ANGPTL3: variants seen among roughly 807,000 people sequenced by gnomAD.
The protein encoded by ANGPTL3 is angiopoietin like 3.
A neutral mutation model predicts 52.7 loss-of-function variants in ANGPTL3; 51 were observed. The ratio of observed to expected loss-of-function variants is 0.97; its 90% CI spans 0.77 to 1.22. The LOEUF is 1.22. Ranked by LOEUF, ANGPTL3 falls within the 50% of genes most tolerant of loss-of-function variation. The pLI, the probability that ANGPTL3 is intolerant of heterozygous loss-of-function variation, is 0.00. For synonymous variants in ANGPTL3, 185 were observed against 179.8 expected (o/e 1.03, Z -0.23); for missense variants, 506 against 520.7 (o/e 0.97, Z 0.27).
At position 62,604,787 on chromosome 1, in the gene ANGPTL3, C is replaced by T. The variant is rs1219479982; in HGVS notation, c.1353C>T (p.Ile451=). 2 of 1,612,980 alleles carry T rather than the reference C, an allele frequency of 1.2e-6. No homozygotes were observed. Among genetic ancestry groups the T allele is most frequent in the East Asian group, 2.2e-5 (1 of 44,786 alleles). Residue 451 remains isoleucine (I), a synonymous_variant, in exon 7 of 7, where the codon ATC becomes ATT. Coordinates refer to ENST00000371129, the MANE Select transcript of ANGPTL3 (RefSeq NM_014495.4). ...CTATAAAATCAACCAAAATGTTGAT[C>T]CATCCAACAGATTCAGAAAGCTTTG... ...LYSIKSTKML[I]HPTDSESFE
chr1:62,604,679 T>C lies in ANGPTL3; in HGVS notation c.1245T>C (p.Gly415=), dbSNP rs771120709. The C allele has an allele frequency of 6.2e-7, 1 of 1,613,124 alleles. No individual in the cohort carries two copies. Among genetic ancestry groups the C allele is most frequent in the Non-Finnish European group, 8.5e-7 (1 of 1,179,382 alleles). ...AGTGTGGAGAAAACAACCTAAATGG[T>C]AAATATAACAAACCAAGAGCAAAAT... The part of the protein sequence containing the change: ...HDECGENNLN[G]KYNKPRAKSK... Residue 415 remains glycine (G), a synonymous_variant, in exon 7 of 7, where the codon GGT becomes GGC. Transcript: ENST00000371129.
At chr1:62,598,675 C>CAACCT (rs759338676) in intron 1 of ANGPTL3, 21 bp from the exon 2 acceptor site, 1 of 1,407,378 alleles carries the variant, frequency 7.1e-7, no homozygotes, top group South Asian at 1.2e-5. Flanking sequence ...AACTTATAAC[C>CAACCT]AACCTACTCT....
chr1:62,604,314 A>C, intron 6 of ANGPTL3, 79 bp downstream of exon 6: 1 of 1,546,836 alleles, frequency 6.5e-7, no homozygotes, highest in Non-Finnish European at 8.8e-7. Context: ...ATCTGCAATG[A>C]CAACTTTTAA....
At position 62,598,067 on chromosome 1, in the gene ANGPTL3, T is replaced by G. The variant is rs372257803; in HGVS notation, c.495+6T>G. The G allele has an allele frequency of 6.3e-7, 1 of 1,577,040 alleles. No homozygotes were observed. Among genetic ancestry groups the G allele is most frequent in the Non-Finnish European group, 8.6e-7 (1 of 1,168,004 alleles). On this transcript the variant is annotated splice_donor_region_variant and intron_variant, in intron 1 of 6. Transcript: ENST00000371129. Reference sequence around the variant, plus strand: ...CAGAAGTAACTTCACTTAAAGTAAGTAGAAAATAAAGAGGGTTCATGTTTA... The same window carrying G: ...CAGAAGTAACTTCACTTAAAGTAAGGAGAAAATAAAGAGGGTTCATGTTTA...
In ANGPTL3 at chr1:62,604,149, A is replaced by C. The variant is rs151187179; in HGVS notation, c.1112A>C (p.Asn371Thr). The change falls in exon 6 of 7, where the codon AAT (asparagine) becomes ACT (threonine). Residue 371 changes from asparagine to threonine, a missense_variant. Transcript: ENST00000371129. ...HLVAITGNVP[N>T]AIPENKDLVF... is the part of the protein sequence containing the mutation. ...GTTGCGATTACTGGCAATGTCCCCA[A>C]TGCAATCCCGGAAAACAAAGATTTG... The C allele has an allele frequency of 2.2e-5, 36 of 1,613,342 alleles. No homozygotes were observed. Among genetic ancestry groups the C allele is most frequent in the Non-Finnish European group, 3.0e-5 (35 of 1,179,506 alleles).
At chr1:62,598,900 G>C (rs958278808) in intron 2 of ANGPTL3, 94 bp downstream of exon 2, 12 of 789,726 alleles carry the variant, frequency 1.5e-5, no homozygotes, top group African/African-American at 6.9e-5. Context: ...ACTGGATCAT[G>C]AGTAAAATTA....
At position 62,604,145 on chromosome 1, in the gene ANGPTL3, C is replaced by T; in HGVS notation, c.1108C>T (p.Pro370Ser). 6.2e-7 allele frequency: 1 copy of T among 1,613,218 alleles called. No individual in the cohort carries two copies. ...TCTAGTTGCGATTACTGGCAATGTC[C>T]CCAATGCAATCCCGGAAAACAAAGA... ...LHLVAITGNV[P>S]NAIPENKDLV... Residue 370 changes from proline to serine, a missense_variant, in exon 6 of 7, where the codon CCC becomes TCC. Physicochemically the swap from Pro to Ser is moderately conservative, Grantham distance 74 (BLOSUM62 -1). Coordinates refer to ENST00000371129, the MANE Select transcript of ANGPTL3 (RefSeq NM_014495.4).
intron 2 of ANGPTL3, among the ~76,000 whole-genome samples, chr1:62,599,264 C>T (rs1414716588): frequency 4.6e-5 from 7 of 151,968 alleles, no homozygotes; most frequent in East Asian, 1.9e-4. Context: ...TTATTCTGAC[C>T]GCTTTACCAG....
Position 62,605,751 on chromosome 1 carries a change from T to C in ANGPTL3, c.*934T>C, listed in dbSNP as rs1024978210. ...ACAGCCTGACAAGCATGTATATATG[T>C]TTAAAATTCAATAAACAAAGACCCA... On this transcript the variant is annotated 3_prime_UTR_variant, in exon 7 of 7. Coordinates refer to ENST00000371129, the MANE Select transcript of ANGPTL3 (RefSeq NM_014495.4). The C allele has an allele frequency of 6.6e-6, 1 of 152,362 alleles. No individual in the cohort carries two copies. Among genetic ancestry groups the C allele is most frequent in the African/African-American group, 2.4e-5 (1 of 41,444 alleles). The allele number at this position is 152,362 out of a possible 1,614,324, so 9.4% of individuals were successfully genotyped here.
At chr1:62,601,747 A>G in intron 3 of ANGPTL3, 22 bp from the exon 4 acceptor site, 1 of 1,462,492 alleles carries the variant, frequency 6.8e-7, no homozygotes, top group Non-Finnish European at 9.6e-7. Context: ...AATCTGATGT[A>G]ATAACATTTT....
At chr1:62,598,178 T>C (rs903249951) in intron 1 of ANGPTL3, 117 bp downstream of exon 1, 16 of 1,030,390 alleles carry the variant, frequency 1.6e-5, no homozygotes, top group East Asian at 8.7e-5. Context: ...TACTTTTTTT[T>C]CCAAGAAAAA....
chr1:62,604,568 GA>G (rs1650667670), intron 6 of ANGPTL3, 64 bp from the exon 7 acceptor site: 2 of 1,494,572 alleles, frequency 1.3e-6, no homozygotes, highest in African/African-American at 2.8e-5. Flanking sequence ...AACTTACGGG[GA>G]AATACAGTAA....
rs769948598 is a variant in ANGPTL3, at chr1:62,601,757, T to C, written c.722-12T>C. On this transcript the variant is annotated splice_polypyrimidine_tract_variant and intron_variant, in intron 3 of 6. Coordinates refer to ENST00000371129, the MANE Select transcript of ANGPTL3 (RefSeq NM_014495.4). ...TACTAAATCTGATGTAATAACATTTTATTGATTCTAGGCATTCCTGCTGAA... is the reference window on the plus strand; with the variant it reads ...TACTAAATCTGATGTAATAACATTTCATTGATTCTAGGCATTCCTGCTGAA... The C allele has an allele frequency of 1.3e-6, 2 of 1,541,492 alleles. No homozygotes were observed. The highest frequency in any genetic ancestry group is 1.8e-6 in the Non-Finnish European group (2 of 1,116,494).
At position 62,604,614 on chromosome 1, in the gene ANGPTL3, G is replaced by T; in HGVS notation, c.1199-19G>T. ...CATACGAGTCTGTACCCATTAAATT[G>T]CATATCTATCTCCTTTAGGAGGCTG... On this transcript the variant is annotated intron_variant, in intron 6 of 6. Coordinates refer to ENST00000371129, the MANE Select transcript of ANGPTL3 (RefSeq NM_014495.4). 2 of 1,610,908 alleles carry T rather than the reference G, an allele frequency of 1.2e-6. No homozygotes were observed. The highest frequency in any genetic ancestry group is 1.7e-6 in the Non-Finnish European group (2 of 1,177,388).
At chr1:62,604,583 T>C (rs1479324144) in intron 6 of ANGPTL3, 50 bp from the exon 7 acceptor site, 3 of 1,551,112 alleles carry the variant, frequency 1.9e-6, no homozygotes, top group Non-Finnish European at 2.7e-6. Context: ...ACAGTAACAG[T>C]AACTACATAC....
Position 62,598,005 on chromosome 1 carries a change from A to G in ANGPTL3, c.439A>G (p.Asn147Asp). 6.4e-7 allele frequency: 1 copy of G among 1,571,448 alleles called. No individual in the cohort carries two copies. The highest frequency in any genetic ancestry group is 8.6e-7 in the Non-Finnish European group (1 of 1,168,750). The part of the protein sequence containing the change: ...KVKYLEEQLT[N>D]LIQNQPETPE... ...GAAATATTTAGAAGAGCAACTAACT[A>G]ACTTAATTCAAAATCAACCTGAAAC... Residue 147 changes from asparagine (N) to aspartate (D), a missense_variant, in exon 1 of 7, where the codon AAC (asparagine) becomes GAC (aspartate). Coordinates refer to ENST00000371129, the MANE Select transcript of ANGPTL3 (RefSeq NM_014495.4).
Position 62,604,219 on chromosome 1 carries a change from T to C in ANGPTL3, c.1182T>C (p.Cys394=). 1 of 1,613,274 alleles carries C rather than the reference T, an allele frequency of 6.2e-7. No homozygotes were observed. The highest frequency in any genetic ancestry group is 8.5e-7 in the Non-Finnish European group (1 of 1,179,338). The part of the protein sequence containing the change: ...WDHKAKGHFN[C]PEGYSGGWWW... Reference sequence around the variant, plus strand: ...ACAAAGCAAAAGGACACTTCAACTGTCCAGAGGGTTATTCAGGTATCTTTT... The same window carrying C: ...ACAAAGCAAAAGGACACTTCAACTGCCCAGAGGGTTATTCAGGTATCTTTT... Residue 394 remains cysteine, a synonymous_variant, in exon 6 of 7, where the codon TGT becomes TGC. Transcript: ENST00000371129.
chr1:62,603,376 T>C (rs998104102), intron 5 of ANGPTL3, among the ~76,000 whole-genome samples: 1 of 151,832 alleles, frequency 6.6e-6, no homozygotes, highest in Admixed American at 6.6e-5. Context: ...TTATATTTGT[T>C]ATTTGTTTTT....
intron 5 of ANGPTL3, 61 bp downstream of exon 5, chr1:62,602,441 C>A: frequency 2.8e-6 from 4 of 1,423,920 alleles, no homozygotes; most frequent in South Asian, 2.3e-5. Context: ...TACTGAGAAC[C>A]TCTTATGGAC....
Sources: gnomAD v4.1 joint callset for allele counts (sites outside exome capture counted in the v4.1 genomes callset) on GRCh38, gnomAD v4.1.1 for gene constraint, MANE v1.5 for transcripts, NCBI Gene and HGNC (gene_info 2026-07-23, HGNC 2026-07-21) for gene names.